SRGAP2C: variants seen among roughly 807,000 people sequenced by gnomAD.
SRGAP2C encodes the protein SLIT-ROBO Rho GTPase activating protein 2C.
Under a neutral mutation model 25.1 loss-of-function variants are expected in SRGAP2C, and 15 were observed. That is an observed-to-expected ratio of 0.60 (90% CI 0.40 to 0.92). The LOEUF is 0.92. SRGAP2C is among the 40% of genes least tolerant of loss of function. The pLI, the probability that SRGAP2C is intolerant of heterozygous loss-of-function variation, is 0.00. For missense variants in SRGAP2C, 144 were observed against 264.4 expected, an observed-to-expected ratio of 0.54 and a Z score of 3.16; for synonymous variants, 44 against 96.6, an observed-to-expected ratio of 0.46 and a Z score of 3.19.
intron 2 of SRGAP2C, among the ~76,000 whole-genome samples, chr1:121,282,698 G>T (rs1168870687): frequency 3.4e-5 from 5 of 147,870 alleles, no homozygotes; most frequent in Non-Finnish European, 6.0e-5. Context: ...GGGACCACAG[G>T]CACCTGCCAC....
chr1:121,313,795 A>C (rs1316024133), intron 3 of SRGAP2C, among the ~76,000 whole-genome samples: 1 of 129,516 alleles, frequency 7.7e-6, no homozygotes, highest in Admixed American at 7.9e-5. Context: ...CGAGAGATCC[A>C]CTGTTAGTCT....
At chr1:121,300,475 C>CTT (rs1247186482) in intron 3 of SRGAP2C, among the ~76,000 whole-genome samples, 1 of 133,412 alleles carries the variant, frequency 7.5e-6, no homozygotes, top group East Asian at 2.4e-4. Context: ...AAGGATCTAC[C>CTT]CCCATGACGC....
intron 3 of SRGAP2C, among the ~76,000 whole-genome samples, chr1:121,304,919 A>G (rs1657793178): frequency 6.6e-6 from 1 of 152,022 alleles, no homozygotes; most frequent in Admixed American, 6.5e-5. Context: ...CTCACTGCCA[A>G]ACCTTTTCTC....
At chr1:121,316,169 T>G (rs1658096626) in intron 3 of SRGAP2C, among the ~76,000 whole-genome samples, 2 of 135,432 alleles carry the variant, frequency 1.5e-5, no homozygotes, top group Non-Finnish European at 1.6e-5. Context: ...TGGATACCCT[T>G]TCTTCTCAGT....
At chr1:121,272,828 C>T (rs1320267863) in intron 2 of SRGAP2C, among the ~76,000 whole-genome samples, 12 of 151,866 alleles carry the variant, frequency 7.9e-5, no homozygotes, top group African/African-American at 2.4e-4. Flanking sequence ...AGTGGTCCCT[C>T]TTTGTGAAAT....
intron 2 of SRGAP2C, among the ~76,000 whole-genome samples, chr1:121,248,445 CTTT>C (rs1215419512): frequency 1.0e-5 from 1 of 99,852 alleles, no homozygotes; most frequent in East Asian, 2.4e-4. Context: ...GCAAAACTTA[CTTT>C]TTTTTTTTTT....
chr1:121,238,266 T>A (rs1656006453), intron 2 of SRGAP2C, among the ~76,000 whole-genome samples: 1 of 151,350 alleles, frequency 6.6e-6, no homozygotes, highest in African/African-American at 2.4e-5. Context: ...AGGAAGAGTG[T>A]TGTGTAAAAT....
intron 4 of SRGAP2C, among the ~76,000 whole-genome samples, chr1:121,340,072 C>A (rs1307242028): frequency 6.9e-6 from 1 of 145,850 alleles, no homozygotes; most frequent in Non-Finnish European, 1.5e-5. Context: ...CTTTTTTTAG[C>A]GGTATATTAT....
chr1:121,284,920 A>C lies in SRGAP2C; in HGVS notation c.185A>C (p.Asp62Ala). ...FFRKKAEIEM[D>A]YSRNLEKLAE... ...CGAAAGAAGGCAGAGATTGAGATGG[A>C]CTACTCCCGCAACCTGGAGAAGCTG... is the stretch of plus-strand genomic sequence containing the variant. Residue 62 changes from aspartate (D) to alanine (A), a missense_variant, in exon 3 of 10, where the codon GAC becomes GCC. This residue lies in a region of SRGAP2C where 61 missense variants were observed against 61.7 expected (regional missense o/e 0.99). Transcript: ENST00000367123. 13 of 1,544,688 alleles carry C rather than the reference A, an allele frequency of 8.4e-6. No homozygotes were observed. Among genetic ancestry groups the C allele is most frequent in the Non-Finnish European group, 1.1e-5 (13 of 1,143,446 alleles).
At chr1:121,232,947 C>A (rs1441118646) in intron 2 of SRGAP2C, among the ~76,000 whole-genome samples, 1 of 136,516 alleles carries the variant, frequency 7.3e-6, no homozygotes, top group Non-Finnish European at 1.6e-5. Flanking sequence ...GATGTCTTTT[C>A]AAGCTGGGCT....
Position 121,392,384 on chromosome 1 carries a change from C to CT in SRGAP2C, c.*4535dup, listed in dbSNP as rs1660124117. 6.6e-6 allele frequency: 1 copy of CT among 151,842 alleles called. No individual in the cohort carries two copies. The highest frequency in any genetic ancestry group is 1.5e-5 in the Non-Finnish European group (1 of 67,960). The allele number at this position is 151,842 out of a possible 1,614,324, so 9.4% of individuals were successfully genotyped here. ...TCGCTGTTTCTCTTTCTCCCTTTCT[C>CT]TTTTTTCTTTTCTTTCAATTTTCTC... On this transcript the variant is annotated 3_prime_UTR_variant, in exon 10 of 10. Coordinates refer to ENST00000367123, the MANE Select transcript of SRGAP2C (RefSeq NM_001329984.2).
At chr1:121,275,048 A>C in intron 2 of SRGAP2C, among the ~76,000 whole-genome samples, 3 of 139,954 alleles carry the variant, frequency 2.1e-5, no homozygotes, top group Non-Finnish European at 3.1e-5. Flanking sequence ...AATCCCCCCC[A>C]CCCAAGGTCT....
rs1346757901 is a variant in SRGAP2C, at chr1:121,340,294, C to G, written c.423+15654C>G. On this transcript the variant is annotated intron_variant, in intron 4 of 9. Coordinates refer to ENST00000367123, the MANE Select transcript of SRGAP2C (RefSeq NM_001329984.2). The stretch of plus-strand genomic sequence containing the variant: ...AAAAGCATTCTCTTTTTGCTGCTCT[C>G]AGAGTCAGTGGTCTTTCTGGACCTT... 1.5e-3 allele frequency among the ~76,000 whole-genome samples: 235 copies of G among 151,868 alleles called. 2 individuals carry two copies. The highest frequency in any genetic ancestry group is 5.5e-3 in the African/African-American group (226 of 41,404).
At chr1:121,217,700 T>C (rs1391943744) in intron 2 of SRGAP2C, among the ~76,000 whole-genome samples, 4 of 152,206 alleles carry the variant, frequency 2.6e-5, no homozygotes, top group African/African-American at 9.6e-5. Flanking sequence ...ACAGACTGCA[T>C]CTCGATGGCA....
In SRGAP2C at chr1:121,372,902, CACAT is replaced by C. The variant is rs782795894; in HGVS notation, c.487-1068_487-1065del. On this transcript the variant is annotated intron_variant, in intron 5 of 9. Coordinates refer to ENST00000367123, the MANE Select transcript of SRGAP2C (RefSeq NM_001329984.2). Reference sequence around the variant, plus strand: ...ATGCACACACACACACACACACACACACATGCACACACACACCCAACTTCTACTC... The same window carrying C: ...ATGCACACACACACACACACACACACGCACACACACACCCAACTTCTACTC... 1.1e-4 allele frequency among the ~76,000 whole-genome samples: 7 copies of C among 62,122 alleles called. 1 individual carries two copies. The highest frequency in any genetic ancestry group is 4.7e-4 in the Admixed American group (3 of 6,364). The allele number at this position is 62,122 out of a possible 152,430, so 40.8% of individuals were successfully genotyped here.
At chr1:121,316,544 G>GA (rs1479542977) in intron 3 of SRGAP2C, among the ~76,000 whole-genome samples, 2 of 68,884 alleles carry the variant, frequency 2.9e-5, no homozygotes, top group Non-Finnish European at 5.7e-5. Flanking sequence ...AACTAGAGAA[G>GA]AAAAAATCAA....
chr1:121,312,640 G>C (rs1486591922), intron 3 of SRGAP2C, among the ~76,000 whole-genome samples: 3 of 119,238 alleles, frequency 2.5e-5, no homozygotes, highest in Non-Finnish European at 5.3e-5. Context: ...TTTCTCGTTG[G>C]TTTCAAAGAA....
At chr1:121,372,794 C>T (rs1476678024) in intron 5 of SRGAP2C, among the ~76,000 whole-genome samples, 1 of 74,418 alleles carries the variant, frequency 1.3e-5, no homozygotes, top group South Asian at 3.6e-4. Context: ...AGGTAATGTA[C>T]GTAAAGCCCA....
At position 121,374,007 on chromosome 1, in the gene SRGAP2C, A is replaced by C; in HGVS notation, c.523A>C (p.Ile175Leu). ...KTYHMYNADS[I>L]SAQSKLKEAE... ...ATATCACATGTACAATGCCGACAGC[A>C]TCAGTGCTCAGAGCAAACTAAAGGA... The change falls in exon 6 of 10, where the codon ATC becomes CTC. Residue 175 changes from isoleucine to leucine, a missense_variant. Physicochemically the swap from Ile to Leu is conservative, Grantham distance 5. This residue lies in a region of SRGAP2C where 26 missense variants were observed against 67.3 expected (regional missense o/e 0.39). Coordinates refer to ENST00000367123, the MANE Select transcript of SRGAP2C (RefSeq NM_001329984.2). The C allele has an allele frequency of 1.6e-6, 1 of 621,480 alleles. No homozygotes were observed. Among genetic ancestry groups the C allele is most frequent in the Non-Finnish European group, 2.9e-6 (1 of 346,076 alleles). The allele number at this position is 621,480 out of a possible 1,614,324, so 38.5% of individuals were successfully genotyped here. A position where few individuals can be genotyped will look rare whatever the true frequency, so the allele number is the denominator to read the frequency against.
Sources: allele counts gnomAD v4.1 joint callset (sites outside exome capture counted in the v4.1 genomes callset), GRCh38; gene constraint gnomAD v4.1.1; regional missense constraint gnomAD v4.1.1; transcripts MANE v1.5; gene names NCBI Gene and HGNC (gene_info 2026-07-23, HGNC 2026-07-21).